Variants in DSG1 observed in about 807,000 individuals in gnomAD.
DSG1 encodes the protein desmoglein-1.
A neutral mutation model predicts 97.5 loss-of-function variants in DSG1; 39 were observed. The observed-to-expected ratio is 0.40, with a 90% CI of 0.31 to 0.52. The LOEUF (loss-of-function observed/expected upper bound fraction) is 0.52. DSG1 is among the 20% of genes least tolerant of loss of function. The pLI, the probability that DSG1 is intolerant of heterozygous loss-of-function variation, is 0.53. For missense variants in DSG1, 1,311 were observed against 1,295.4 expected, an observed-to-expected ratio of 1.01 and a Z score of -0.18; for synonymous variants, 475 against 443.4, an observed-to-expected ratio of 1.07 and a Z score of -0.90.
chr18:31,349,224 T>A (rs1293141130), intron 14 of DSG1, among the ~76,000 whole-genome samples: 3 of 138,408 alleles, frequency 2.2e-5, no homozygotes, highest in Admixed American at 7.3e-5. Context: ...AAATAGGGAA[T>A]CCTTTCCCCA....
chr18:31,343,620 C>T lies in DSG1; in HGVS notation c.1821+37C>T, dbSNP rs764606302. 13 of 1,613,898 alleles carry T rather than the reference C, an allele frequency of 8.1e-6. No homozygotes were observed. In the East Asian group the frequency reaches 2.5e-4, roughly 30 times the overall value. ...ATTCTAAGAAATAGCCGTTGGTAGT[C>T]ACTGAAATTCAGTCTTTACACATGA... is the stretch of plus-strand genomic sequence containing the variant. On this transcript the variant is annotated intron_variant, in intron 12 of 14. Transcript: ENST00000257192.
chr18:31,325,831 T>C (rs1475059182), intron 1 of DSG1, among the ~76,000 whole-genome samples: 1 of 152,188 alleles, frequency 6.6e-6, no homozygotes, highest in Non-Finnish European at 1.5e-5. Flanking sequence ...TTGTATTGAA[T>C]TATATTTAGC....
Position 31,357,892 on chromosome 18 carries a change from C to T in DSG1, c.*2546C>T, listed in dbSNP as rs1476757154. 6.6e-6 allele frequency among the ~76,000 whole-genome samples: 1 copy of T among 151,794 alleles called. No homozygotes were observed. The highest frequency in any genetic ancestry group is 1.5e-5 in the Non-Finnish European group (1 of 67,862). On this transcript the variant is annotated 3_prime_UTR_variant, in exon 15 of 15. Coordinates refer to ENST00000257192, the MANE Select transcript of DSG1 (RefSeq NM_001942.4). The stretch of plus-strand genomic sequence containing the variant: ...TTGCACACTGATTTTCCATTTAGTC[C>T]TAAATTTTAAAATTCCCTTTTCAAG...
intron 14 of DSG1, among the ~76,000 whole-genome samples, chr18:31,352,059 T>C (rs1432366546): frequency 6.6e-6 from 1 of 152,128 alleles, no homozygotes; most frequent in South Asian, 2.1e-4. Context: ...AGTTTCTTCC[T>C]AGTCTCGATG....
At position 31,331,790 on chromosome 18, in the gene DSG1, C is replaced by A; in HGVS notation, c.607C>A (p.Pro203Thr). The change falls in exon 6 of 15, where the codon CCT (proline) becomes ACT (threonine). Residue 203 changes from proline to threonine, a missense_variant. By Grantham distance (38) the Pro-to-Thr change is conservative. Coordinates refer to ENST00000257192, the MANE Select transcript of DSG1 (RefSeq NM_001942.4). ...AGCCTTCAAGATTATAAGACAAGAA[C>A]CTTCAGATTCACCAATGTTTATTAT... ...KIAFKIIRQE[P>T]SDSPMFIINR... is the part of the protein sequence containing the mutation. 6.2e-7 allele frequency: 1 copy of A among 1,612,698 alleles called. No homozygotes were observed. The highest frequency in any genetic ancestry group is 1.1e-5 in the South Asian group (1 of 91,048).
At position 31,336,519 on chromosome 18, in the gene DSG1, A is replaced by G; in HGVS notation, c.1171A>G (p.Thr391Ala). ...CCCAGTGTTTCGTCCAGGTTCAAAG[A>G]CATATGTTGTAACTGGTAATATGGG... is the stretch of plus-strand genomic sequence containing the variant. ...EGPVFRPGSK[T>A]YVVTGNMGSN... Residue 391 changes from threonine (T) to alanine (A), a missense_variant, in exon 9 of 15, where the codon ACA (threonine) becomes GCA (alanine). This residue lies in a region of DSG1 where 1,038 missense variants were observed against 964.6 expected (regional missense o/e 1.08). Coordinates refer to ENST00000257192, the MANE Select transcript of DSG1 (RefSeq NM_001942.4). 3 of 1,614,036 alleles carry G rather than the reference A, an allele frequency of 1.9e-6. No homozygotes were observed. The highest frequency in any genetic ancestry group is 2.5e-6 in the Non-Finnish European group (3 of 1,179,940).
chr18:31,336,746 AC>A, intron 9 of DSG1, 133 bp downstream of exon 9: 1 of 952,118 alleles, frequency 1.1e-6, no homozygotes, highest in East Asian at 2.6e-5. Flanking sequence ...TGTAAAAAGT[AC>A]TATAAACTGT....
chr18:31,354,899 A>G lies in DSG1; in HGVS notation c.2703A>G (p.Pro901=), dbSNP rs1035079855. Residue 901 remains proline (P), a synonymous_variant, in exon 15 of 15, where the codon CCA becomes CCG. Transcript: ENST00000257192. ...NVIVTERVIA[P]SSSLPTSLTI... ...TAGTGACAGAAAGGGTAATAGCACC[A>G]AGCTCTAGTCTACCCACCTCTCTGA... 1.2e-6 allele frequency: 2 copies of G among 1,614,186 alleles called. No individual in the cohort carries two copies. Among genetic ancestry groups the G allele is most frequent in the Non-Finnish European group, 1.7e-6 (2 of 1,180,022 alleles).
chr18:31,338,572 G>A lies in DSG1; in HGVS notation c.1405+118G>A, dbSNP rs1555655247. The A allele has an allele frequency of 2.9e-6, 3 of 1,050,134 alleles. No homozygotes were observed. The South Asian group carries it at 4.2e-5, about 15-fold the overall frequency. The allele number at this position is 1,050,134 out of a possible 1,614,324, so 65.1% of individuals were successfully genotyped here. The stretch of plus-strand genomic sequence containing the variant: ...CCTTTCCAACAAAAGTTGTCACACT[G>A]GGCATTATAGACTCATATCTTTAAC... On this transcript the variant is annotated intron_variant, in intron 10 of 14. Transcript: ENST00000257192.
At chr18:31,332,389 C>T (rs888105277) in intron 6 of DSG1, among the ~76,000 whole-genome samples, 3 of 152,040 alleles carry the variant, frequency 2.0e-5, no homozygotes, top group African/African-American at 7.2e-5. Flanking sequence ...CATTCATTTA[C>T]TTTGGGAAAT....
intron 1 of DSG1, among the ~76,000 whole-genome samples, chr18:31,323,433 C>A (rs963734657): frequency 6.6e-6 from 1 of 152,136 alleles, no homozygotes; most frequent in African/African-American, 2.4e-5. Flanking sequence ...CAATGTCTTC[C>A]AATTTCCCTT....
chr18:31,337,176 A>G (rs1198690411), intron 9 of DSG1, among the ~76,000 whole-genome samples: 1 of 152,250 alleles, frequency 6.6e-6, no homozygotes, highest in Non-Finnish European at 1.5e-5. Flanking sequence ...GTATTTGCAC[A>G]TGTGACTGTG....
At chr18:31,343,717 A>C in intron 12 of DSG1, 134 bp downstream of exon 12, 2 of 1,389,048 alleles carry the variant, frequency 1.4e-6, no homozygotes, top group Non-Finnish European at 1.0e-6. Context: ...GAAAATGAAG[A>C]GGAATCAGAA....
At chr18:31,331,639 T>C in intron 5 of DSG1, 62 bp from the exon 6 acceptor site, 1 of 1,501,746 alleles carries the variant, frequency 6.7e-7, no homozygotes, top group Non-Finnish European at 9.2e-7. Flanking sequence ...GGAAAGGTGA[T>C]ATACTCTACT....
rs2071949066 is a variant in DSG1, at chr18:31,355,471, A to G, written c.*125A>G. On this transcript the variant is annotated 3_prime_UTR_variant, in exon 15 of 15. Coordinates refer to ENST00000257192, the MANE Select transcript of DSG1 (RefSeq NM_001942.4). ...CAGGTCATCTAGGAGCAAGGTGAGAAATCACAATGAGAAAAATAAATGGAA... is the reference window on the plus strand; with the variant it reads ...CAGGTCATCTAGGAGCAAGGTGAGAGATCACAATGAGAAAAATAAATGGAA... The G allele has an allele frequency of 1.1e-6, 1 of 937,268 alleles. No individual in the cohort carries two copies. Among genetic ancestry groups the G allele is most frequent in the South Asian group, 1.4e-5 (1 of 70,240 alleles). 58.1% of individuals were successfully genotyped at this position (937,268 alleles called of 1,614,324 possible).
chr18:31,345,390 G>A (rs117849594), intron 13 of DSG1: 4,204 of 151,660 alleles, frequency 0.028, 88 homozygotes, highest in Non-Finnish European at 0.042. Context: ...ACCAATTTGC[G>A]TATCATCCTG....
chr18:31,327,133 C>CAT, intron 3 of DSG1, 128 bp downstream of exon 3: 1 of 1,227,422 alleles, frequency 8.1e-7, no homozygotes. Context: ...ACTATAGTCA[C>CAT]CTAGATGATG....
At chr18:31,345,022 C>G (rs979116810) in intron 13 of DSG1, among the ~76,000 whole-genome samples, 2 of 152,172 alleles carry the variant, frequency 1.3e-5, no homozygotes, top group African/African-American at 4.8e-5. Flanking sequence ...AATGTCTTCT[C>G]ACCTCAAAAG....
intron 10 of DSG1, among the ~76,000 whole-genome samples, chr18:31,339,117 A>C (rs2071772682): frequency 6.6e-6 from 1 of 152,184 alleles, no homozygotes; most frequent in South Asian, 2.1e-4. Context: ...TAACAAGATG[A>C]ATGCACAAGA....
Sources: gnomAD v4.1 joint callset for allele counts (sites outside exome capture counted in the v4.1 genomes callset) on GRCh38, gnomAD v4.1.1 for gene constraint, gnomAD v4.1.1 regional missense constraint, MANE v1.5 for transcripts, NCBI Gene and HGNC (gene_info 2026-07-23, HGNC 2026-07-21) for gene names.